ACTR2: variants seen among roughly 807,000 people sequenced by gnomAD.
ACTR2 encodes the protein actin-related protein 2.
Under a neutral mutation model 50.2 loss-of-function variants are expected in ACTR2, and 5 were observed. The ratio of observed to expected loss-of-function variants is 0.10; its 90% confidence interval spans 0.05 to 0.21. ACTR2 has a LOEUF of 0.21. Among genes scored for constraint, ACTR2 ranks in the 10% least tolerant of loss-of-function variants. ACTR2 has a pLI of 1.00. For missense variants in ACTR2, 180 were observed against 480.6 expected (o/e 0.37, Z 5.85); for synonymous variants, 140 against 162.9 (o/e 0.86, Z 1.07).
chr2:65,252,084 G>T (rs1030315518), intron 4 of ACTR2, among the ~76,000 whole-genome samples: 1 of 151,990 alleles, frequency 6.6e-6, no homozygotes. Context: ...TTTGGAGAAA[G>T]GCCAGTATGT....
intron 7 of ACTR2, among the ~76,000 whole-genome samples, chr2:65,264,114 G>A (rs554789346): frequency 1.5e-4 from 23 of 152,168 alleles, no homozygotes; most frequent in South Asian, 2.1e-4. Flanking sequence ...CGTACCTAAA[G>A]TGCGGAGTCA....
chr2:65,254,049 A>G (rs911817734), intron 5 of ACTR2, among the ~76,000 whole-genome samples, 185 bp downstream of exon 5: 5 of 152,200 alleles, frequency 3.3e-5, no homozygotes, highest in Non-Finnish European at 7.3e-5. Context: ...AAGAAGATAC[A>G]TTAAAAACAA....
At chr2:65,229,817 T>A (rs1671602736) in intron 1 of ACTR2, among the ~76,000 whole-genome samples, 1 of 152,040 alleles carries the variant, frequency 6.6e-6, no homozygotes, top group Admixed American at 6.6e-5. Context: ...AATGTAATAT[T>A]TTTAAAAAGG....
intron 7 of ACTR2, among the ~76,000 whole-genome samples, chr2:65,262,186 C>G (rs748951721): frequency 6.6e-6 from 1 of 152,134 alleles, no homozygotes; most frequent in Non-Finnish European, 1.5e-5. Flanking sequence ...TAGGTTATAT[C>G]TTCACTTTGT....
chr2:65,261,427 C>T, intron 7 of ACTR2, 35 bp downstream of exon 7: 2 of 1,559,444 alleles, frequency 1.3e-6, no homozygotes, highest in South Asian at 1.2e-5. Flanking sequence ...AGTTATTTAT[C>T]AGAAAAATCA....
At chr2:65,265,588 A>G (rs1004488285) in intron 8 of ACTR2, among the ~76,000 whole-genome samples, 1 of 152,184 alleles carries the variant, frequency 6.6e-6, no homozygotes, top group Admixed American at 6.5e-5. Context: ...TATTTGTTGC[A>G]TATGTTGTCT....
intron 8 of ACTR2, among the ~76,000 whole-genome samples, chr2:65,267,828 C>T (rs1470201021): frequency 7.1e-6 from 1 of 139,892 alleles, no homozygotes; most frequent in Non-Finnish European, 1.5e-5. Flanking sequence ...AGAATCATAA[C>T]AGTATGAGAC....
At position 65,270,445 on chromosome 2, in the gene ACTR2, C is replaced by A. The variant is rs1416130043; in HGVS notation, c.*1711C>A. On this transcript the variant is annotated 3_prime_UTR_variant, in exon 9 of 9. Coordinates refer to ENST00000260641, the MANE Select transcript of ACTR2 (RefSeq NM_005722.4). ...GGACATGCCTCAGAACCCTGAATAG[C>A]CCGTACTAGATCTTGGGAACATGGA... The A allele has an allele frequency of 6.6e-6, 1 of 152,562 alleles. No homozygotes were observed. Among genetic ancestry groups the A allele is most frequent in the Non-Finnish European group, 1.5e-5 (1 of 68,038 alleles). The allele number at this position is 152,562 out of a possible 1,614,324, so 9.5% of individuals were successfully genotyped here.
At chr2:65,239,322 C>T (rs1305877715) in intron 1 of ACTR2, among the ~76,000 whole-genome samples, 1 of 151,700 alleles carries the variant, frequency 6.6e-6, no homozygotes, top group Admixed American at 6.6e-5. Context: ...GGCTTAGTGG[C>T]GCATGCCTGT....
At chr2:65,234,871 A>C (rs992388401) in intron 1 of ACTR2, among the ~76,000 whole-genome samples, 1 of 152,204 alleles carries the variant, frequency 6.6e-6, no homozygotes, top group Non-Finnish European at 1.5e-5. Context: ...ATTTATACGC[A>C]TATAAGTGAG....
At position 65,255,602 on chromosome 2, in the gene ACTR2, A is replaced by C; in HGVS notation, c.643A>C (p.Met215Leu). 1 of 1,614,088 alleles carries C rather than the reference A, an allele frequency of 6.2e-7. No individual in the cohort carries two copies. Among genetic ancestry groups the C allele is most frequent in the Non-Finnish European group, 8.5e-7 (1 of 1,179,954 alleles). The part of the protein sequence containing the change: ...NHSADFETVR[M>L]IKEKLCYVGY... ...CTCTGCTGATTTTGAAACGGTTCGCATGATTAAAGAAAAACTGTGTTACGT... is the reference window on the plus strand; with the variant it reads ...CTCTGCTGATTTTGAAACGGTTCGCCTGATTAAAGAAAAACTGTGTTACGT... Residue 215 changes from methionine (M) to leucine (L), a missense_variant, in exon 6 of 9, where the codon ATG becomes CTG. Met to Leu is a conservative substitution (Grantham distance 15). Transcript: ENST00000260641.
At chr2:65,240,890 A>G (rs1020753939) in intron 2 of ACTR2, among the ~76,000 whole-genome samples, 2 of 152,166 alleles carry the variant, frequency 1.3e-5, no homozygotes, top group African/African-American at 2.4e-5. Flanking sequence ...TGTTTTATGT[A>G]GGAAGGTGGT....
chr2:65,261,709 T>G (rs900038734), intron 7 of ACTR2, among the ~76,000 whole-genome samples: 1 of 152,244 alleles, frequency 6.6e-6, no homozygotes, highest in African/African-American at 2.4e-5. Context: ...AAAGATACTC[T>G]CTTACATAGT....
intron 4 of ACTR2, among the ~76,000 whole-genome samples, chr2:65,252,559 C>T (rs941939132): frequency 3.9e-5 from 6 of 152,004 alleles, no homozygotes; most frequent in Non-Finnish European, 7.4e-5. Flanking sequence ...GCGGGAGAAT[C>T]GCTTGAACCC....
At chr2:65,238,653 T>A (rs1671783945) in intron 1 of ACTR2, among the ~76,000 whole-genome samples, 1 of 79,116 alleles carries the variant, frequency 1.3e-5, no homozygotes, top group African/African-American at 5.8e-5. Flanking sequence ...AGCGAGACTG[T>A]CTAAAAAAAA....
chr2:65,245,565 C>T (rs970683293), intron 2 of ACTR2, among the ~76,000 whole-genome samples: 3 of 152,082 alleles, frequency 2.0e-5, no homozygotes, highest in Non-Finnish European at 2.9e-5. Flanking sequence ...TTTTTTGTCT[C>T]TCCATAATTA....
chr2:65,228,244 C>T, intron 1 of ACTR2: 1 of 353,344 alleles, frequency 2.8e-6, no homozygotes, highest in Admixed American at 4.8e-5. Flanking sequence ...GGACCTGCTC[C>T]GCGCTAATGC....
intron 1 of ACTR2, among the ~76,000 whole-genome samples, chr2:65,235,379 A>G (rs1033896653): frequency 6.6e-6 from 1 of 152,204 alleles, no homozygotes; most frequent in South Asian, 2.1e-4. Flanking sequence ...GTTCATCACT[A>G]TCAACCACTG....
chr2:65,234,941 CATA>C (rs1390076724), intron 1 of ACTR2, among the ~76,000 whole-genome samples: 1 of 152,016 alleles, frequency 6.6e-6, no homozygotes, highest in Non-Finnish European at 1.5e-5. Context: ...TGGAGGTAGG[CATA>C]ATAATTTAAT....
Sources: gnomAD v4.1 joint callset for allele counts (sites outside exome capture counted in the v4.1 genomes callset) on GRCh38, gnomAD v4.1.1 for gene constraint, MANE v1.5 for transcripts, NCBI Gene and HGNC (gene_info 2026-07-23, HGNC 2026-07-21) for gene names.